RORA: variants seen among roughly 807,000 people sequenced by gnomAD.
RORA encodes RAR related orphan receptor A, also known as nuclear receptor ROR-alpha.
Under a neutral mutation model 69.5 loss-of-function variants are expected in RORA, and 7 were observed. The ratio of observed to expected loss-of-function variants is 0.10; its 90% CI spans 0.06 to 0.19. RORA has a LOEUF of 0.19. Among genes scored for constraint, RORA ranks in the 10% least tolerant of loss-of-function variants. The pLI, the probability that RORA is intolerant of heterozygous loss-of-function variation, is 1.00. For synonymous variants in RORA, 261 were observed against 240.8 expected, an observed-to-expected ratio of 1.08 and a Z score of -0.78; for missense variants, 457 against 663.0, an observed-to-expected ratio of 0.69 and a Z score of 3.41.
At chr15:60,878,861 T>G (rs2073648334) in intron 1 of RORA, among the ~76,000 whole-genome samples, 1 of 152,176 alleles carries the variant, frequency 6.6e-6, no homozygotes, top group African/African-American at 2.4e-5. Flanking sequence ...CCAGAATTGG[T>G]GTCTTATCCT....
At chr15:60,910,895 GT>G in intron 1 of RORA, among the ~76,000 whole-genome samples, 1 of 130,546 alleles carries the variant, frequency 7.7e-6, no homozygotes, top group East Asian at 3.1e-4. Context: ...TGTTGTTGTT[GT>G]TTTTTGGGTT....
At chr15:60,846,532 G>T (rs2073267499) in intron 1 of RORA, among the ~76,000 whole-genome samples, 2 of 152,152 alleles carry the variant, frequency 1.3e-5, no homozygotes, top group South Asian at 4.1e-4. Flanking sequence ...CAGATTTCAG[G>T]AACACTAATT....
intron 1 of RORA, among the ~76,000 whole-genome samples, chr15:60,715,760 G>A (rs1227668474): frequency 6.6e-6 from 1 of 152,088 alleles, no homozygotes; most frequent in African/African-American, 2.4e-5. Flanking sequence ...GTACACAACT[G>A]TATGCATGTA....
At chr15:60,996,876 C>T (rs907953620) in intron 1 of RORA, among the ~76,000 whole-genome samples, 2 of 151,674 alleles carry the variant, frequency 1.3e-5, no homozygotes, top group African/African-American at 4.8e-5. Flanking sequence ...CGCCACTGCA[C>T]TCCAGCCTGG....
At chr15:60,862,865 G>T (rs1567217784) in intron 1 of RORA, among the ~76,000 whole-genome samples, 1 of 152,202 alleles carries the variant, frequency 6.6e-6, no homozygotes, top group African/African-American at 2.4e-5. Flanking sequence ...CTGGGACAGA[G>T]ATCTTAATGA....
At chr15:60,695,014 G>A (rs2070881903) in intron 1 of RORA, among the ~76,000 whole-genome samples, 1 of 152,140 alleles carries the variant, frequency 6.6e-6, no homozygotes, top group Non-Finnish European at 1.5e-5. Context: ...CTGCATAATT[G>A]TTCTTGCTCT....
chr15:60,853,240 C>G (rs1373106588), intron 1 of RORA, among the ~76,000 whole-genome samples: 2 of 152,176 alleles, frequency 1.3e-5, no homozygotes, highest in Admixed American at 6.5e-5. Context: ...TGTGCCACAG[C>G]CTTGGCCATT....
intron 1 of RORA, among the ~76,000 whole-genome samples, chr15:61,005,706 C>G (rs1039799772): frequency 1.3e-5 from 2 of 152,134 alleles, no homozygotes; most frequent in African/African-American, 4.8e-5. Flanking sequence ...CACAACAACA[C>G]AATAAAGTAT....
intron 2 of RORA, among the ~76,000 whole-genome samples, chr15:60,662,742 A>C (rs1181056027): frequency 6.6e-6 from 1 of 152,194 alleles, no homozygotes; most frequent in Admixed American, 6.5e-5. Flanking sequence ...TAAGCAATAA[A>C]ATATGTGTCA....
intron 1 of RORA, among the ~76,000 whole-genome samples, chr15:60,784,128 T>G (rs970472342): frequency 1.3e-5 from 2 of 152,214 alleles, no homozygotes; most frequent in Admixed American, 6.5e-5. Context: ...AAGCTAAATA[T>G]ATTCAAAGGA....
rs551426938 is a variant in RORA, at chr15:60,968,420, A to G, written c.166+260633T>C. 4.6e-5 allele frequency among the ~76,000 whole-genome samples: 7 copies of G among 152,298 alleles called. No homozygotes were observed. The South Asian group carries it at 1.2e-3, about 27-fold the overall frequency. On this transcript the variant is annotated intron_variant, in intron 1 of 10. Transcript: ENST00000335670. ...GTGGGGCCAGAACATTTTCGTTTCTAACAAGGTTCCTGCTGATTCTAATTC... is the reference window on the plus strand; with the variant it reads ...GTGGGGCCAGAACATTTTCGTTTCTGACAAGGTTCCTGCTGATTCTAATTC...
chr15:60,648,794 C>G (rs2070096403), intron 2 of RORA, among the ~76,000 whole-genome samples: 1 of 152,128 alleles, frequency 6.6e-6, no homozygotes, highest in African/African-American at 2.4e-5. Context: ...TTCTAAGCAC[C>G]ATCCACTCTT....
chr15:60,505,553 C>G lies in RORA; in HGVS notation c.897G>C (p.Thr299=). ...TTTCTTCCTGTAAAAAGGTCTGCCA[C>G]GTTATCTGCTGGAGCTCTTCTCTCA... The part of the protein sequence containing the change: ...QYLREELQQI[T]WQTFLQEEIE... The change falls in exon 6 of 11, where the codon ACG becomes ACC. Residue 299 remains threonine (T), a synonymous_variant. Transcript: ENST00000335670. 1 of 1,613,918 alleles carries G rather than the reference C, an allele frequency of 6.2e-7. No individual in the cohort carries two copies. Among genetic ancestry groups the G allele is most frequent in the Non-Finnish European group, 8.5e-7 (1 of 1,179,838 alleles).
At chr15:61,139,352 C>T (rs2079275860) in intron 1 of RORA, among the ~76,000 whole-genome samples, 1 of 152,112 alleles carries the variant, frequency 6.6e-6, no homozygotes, top group African/African-American at 2.4e-5. Flanking sequence ...AAACACTTGT[C>T]TAAATAGATT....
chr15:60,928,030 C>A (rs954292042), intron 1 of RORA, among the ~76,000 whole-genome samples: 6 of 152,166 alleles, frequency 3.9e-5, no homozygotes, highest in African/African-American at 1.4e-4. Context: ...ACTACTGCAA[C>A]AGTCATCAAG....
At position 61,112,943 on chromosome 15, in the gene RORA, GGCAT is replaced by G. The variant is rs1035379015; in HGVS notation, c.166+116106_166+116109del. 2.0e-5 allele frequency among the ~76,000 whole-genome samples: 3 copies of G among 152,268 alleles called. No homozygotes were observed. In the East Asian group the frequency reaches 5.8e-4, roughly 29 times the overall value. ...TTGTCAATGTCCTCTTTAAGTGGTG[GGCAT>G]AATATTGTCCTGCAAGTTCTTTTGG... On this transcript the variant is annotated intron_variant, in intron 1 of 10. Transcript: ENST00000335670.
At chr15:60,887,325 C>T (rs1009518753) in intron 1 of RORA, among the ~76,000 whole-genome samples, 2 of 152,170 alleles carry the variant, frequency 1.3e-5, no homozygotes, top group East Asian at 1.9e-4. Context: ...TGTTCCTACT[C>T]GCACTGTCAT....
chr15:60,982,431 C>G (rs1163671494), intron 1 of RORA, among the ~76,000 whole-genome samples: 1 of 152,186 alleles, frequency 6.6e-6, no homozygotes, highest in Non-Finnish European at 1.5e-5. Context: ...TTGTTTCCCC[C>G]AATTGTTATC....
intron 1 of RORA, among the ~76,000 whole-genome samples, chr15:60,884,501 A>C (rs2073729703): frequency 6.6e-6 from 1 of 152,218 alleles, no homozygotes; most frequent in South Asian, 2.1e-4. Context: ...GACTGAAGAA[A>C]CAAACAAATC....
Sources: allele counts gnomAD v4.1 joint callset (sites outside exome capture counted in the v4.1 genomes callset), GRCh38; gene constraint gnomAD v4.1.1; transcripts MANE v1.5; gene names NCBI Gene and HGNC (gene_info 2026-07-23, HGNC 2026-07-21).